The following DLGAP4 variants were observed in gnomAD, a reference collection of about 807,000 sequenced individuals.
DLGAP4 encodes disks large-associated protein 4.
DLGAP4 carries 18 observed loss-of-function variants against 86.9 expected under a neutral mutation model. The ratio of observed to expected loss-of-function variants is 0.21; its 90% confidence interval spans 0.14 to 0.31. The LOEUF is 0.31. DLGAP4 is among the 10% of genes least tolerant of loss of function. The pLI is 1.00. For synonymous variants in DLGAP4, 548 were observed against 574.3 expected (o/e 0.95, Z 0.65); for missense variants, 1,085 against 1,362.6 (o/e 0.80, Z 3.21).
chr20:36,476,958 G>T (rs950263974), intron 7 of DLGAP4, among the ~76,000 whole-genome samples: 13 of 151,824 alleles, frequency 8.6e-5, no homozygotes, highest in Non-Finnish European at 1.9e-4. Context: ...CTCCCAAAGT[G>T]CTGGGATTAC....
chr20:36,323,389 C>G (rs1469489073), intron 1 of DLGAP4, among the ~76,000 whole-genome samples: 6 of 152,068 alleles, frequency 3.9e-5, no homozygotes, highest in Admixed American at 2.6e-4. Flanking sequence ...TTCTTTTGCT[C>G]CTCACTTTGT....
At chr20:36,398,589 A>T (rs1480154993) in intron 2 of DLGAP4, among the ~76,000 whole-genome samples, 2 of 152,214 alleles carry the variant, frequency 1.3e-5, no homozygotes, top group Non-Finnish European at 2.9e-5. Context: ...AGATCCATTA[A>T]GCTCTTATTG....
chr20:36,457,992 G>A (rs2033923442), intron 7 of DLGAP4, among the ~76,000 whole-genome samples: 1 of 152,162 alleles, frequency 6.6e-6, no homozygotes, highest in Non-Finnish European at 1.5e-5. Flanking sequence ...TCCAGGCGGG[G>A]GGTGAGTGGT....
chr20:36,355,428 C>T (rs2030296863), intron 1 of DLGAP4, among the ~76,000 whole-genome samples: 1 of 152,026 alleles, frequency 6.6e-6, no homozygotes, highest in South Asian at 2.1e-4. Context: ...TCCTGAGTAA[C>T]TCGGACTACA....
chr20:36,434,130 G>A (rs1328339970), intron 3 of DLGAP4, among the ~76,000 whole-genome samples: 1 of 151,168 alleles, frequency 6.6e-6, no homozygotes, highest in African/African-American at 2.4e-5. Context: ...TTTTAGTAGA[G>A]ATGGGGTTTT....
chr20:36,406,222 C>A (rs1371508120), intron 2 of DLGAP4, among the ~76,000 whole-genome samples: 1 of 152,080 alleles, frequency 6.6e-6, no homozygotes, highest in Non-Finnish European at 1.5e-5. Flanking sequence ...CACGGTGAAA[C>A]CCTGTCTCTA....
intron 1 of DLGAP4, among the ~76,000 whole-genome samples, chr20:36,323,175 CA>C (rs1164348704): frequency 0.036 from 1,273 of 35,324 alleles, 2 homozygotes; most frequent in African/African-American, 0.04. Flanking sequence ...GACCCTATCT[CA>C]AAAAAAAAAA....
At chr20:36,468,485 G>A (rs2034517202) in intron 7 of DLGAP4, among the ~76,000 whole-genome samples, 1 of 152,264 alleles carries the variant, frequency 6.6e-6, no homozygotes, top group Non-Finnish European at 1.5e-5. Flanking sequence ...TGGTCCCAGT[G>A]TACAGCCAGG....
chr20:36,420,363 T>G (rs1283615157), intron 2 of DLGAP4, among the ~76,000 whole-genome samples: 1 of 152,094 alleles, frequency 6.6e-6, no homozygotes, highest in Non-Finnish European at 1.5e-5. Flanking sequence ...TCTCAGTGGA[T>G]GTAGCCTGTG....
chr20:36,475,159 G>A (rs1456805786), intron 7 of DLGAP4, among the ~76,000 whole-genome samples: 2 of 152,086 alleles, frequency 1.3e-5, no homozygotes, highest in Admixed American at 1.3e-4. Context: ...GGGGGTCTCG[G>A]TGAACCTAAA....
chr20:36,358,526 G>T (rs2030407433), intron 1 of DLGAP4, among the ~76,000 whole-genome samples: 1 of 152,232 alleles, frequency 6.6e-6, no homozygotes, highest in African/African-American at 2.4e-5. Context: ...AGTTAACTTG[G>T]CTGGGCGCAG....
At chr20:36,411,440 G>C (rs1467083467) in intron 2 of DLGAP4, among the ~76,000 whole-genome samples, 2 of 152,104 alleles carry the variant, frequency 1.3e-5, no homozygotes, top group Non-Finnish European at 2.9e-5. Context: ...TATTCTTTTT[G>C]ACAGCTGCAT....
At chr20:36,342,690 T>C (rs2065395708) in intron 1 of DLGAP4, among the ~76,000 whole-genome samples, 1 of 152,206 alleles carries the variant, frequency 6.6e-6, no homozygotes, top group South Asian at 2.1e-4. Context: ...GCTCAGAGAC[T>C]GGCTCCTCTG....
At chr20:36,368,078 G>A (rs1600441034) in intron 2 of DLGAP4, among the ~76,000 whole-genome samples, 1 of 152,176 alleles carries the variant, frequency 6.6e-6, no homozygotes, top group Non-Finnish European at 1.5e-5. Flanking sequence ...ATTCCCTTCT[G>A]GCCAACTAGC....
intron 1 of DLGAP4, among the ~76,000 whole-genome samples, chr20:36,362,078 G>A (rs1373030313): frequency 1.3e-5 from 2 of 151,774 alleles, no homozygotes; most frequent in Non-Finnish European, 2.9e-5. Context: ...GATCACCTGA[G>A]GTCAGGAGTT....
intron 7 of DLGAP4, among the ~76,000 whole-genome samples, chr20:36,475,591 T>A (rs2034876022): frequency 6.6e-6 from 1 of 152,244 alleles, no homozygotes; most frequent in Non-Finnish European, 1.5e-5. Flanking sequence ...ACCTCTGATC[T>A]TTATTTTCTG....
chr20:36,320,973 G>C (rs536252861), intron 1 of DLGAP4, among the ~76,000 whole-genome samples: 1 of 152,202 alleles, frequency 6.6e-6, no homozygotes, highest in East Asian at 1.9e-4. Context: ...GTCAGCAAAC[G>C]AGGATTTGAG....
chr20:36,460,860 T>C (rs979818159), intron 7 of DLGAP4, among the ~76,000 whole-genome samples: 1 of 152,184 alleles, frequency 6.6e-6, no homozygotes, highest in African/African-American at 2.4e-5. Flanking sequence ...GGAAGTTGAA[T>C]GCGGATGTTG....
At chr20:36,417,264 G>T (rs1197611002) in intron 2 of DLGAP4, among the ~76,000 whole-genome samples, 1 of 152,230 alleles carries the variant, frequency 6.6e-6, no homozygotes, top group Non-Finnish European at 1.5e-5. Flanking sequence ...GAACAGCATG[G>T]GCAAAGGCCC....
Sources: gnomAD v4.1 joint callset for allele counts (sites outside exome capture counted in the v4.1 genomes callset) on GRCh38, gnomAD v4.1.1 for gene constraint, MANE v1.5 for transcripts, NCBI Gene and HGNC (gene_info 2026-07-23, HGNC 2026-07-21) for gene names.